COL19A1: variants seen among roughly 807,000 people sequenced by gnomAD.
COL19A1 encodes the protein collagen alpha-1(XIX) chain.
COL19A1 carries 159 observed loss-of-function variants against 190.2 expected under a neutral mutation model. The observed-to-expected ratio is 0.84, with a 90% confidence interval of 0.73 to 0.95. The LOEUF (loss-of-function observed/expected upper bound fraction) is 0.95, where lower values mean the gene tolerates loss of function less well. Ranked by LOEUF, COL19A1 falls within the 40% of genes least tolerant of loss-of-function variation. COL19A1 has a pLI of 0.00. For missense variants in COL19A1, 1,418 were observed against 1,431.9 expected, an observed-to-expected ratio of 0.99 and a Z score of 0.16; for synonymous variants, 509 against 458.9, an observed-to-expected ratio of 1.11 and a Z score of -1.39.
intron 9 of COL19A1, among the ~76,000 whole-genome samples, chr6:69,948,674 A>G (rs3805967): frequency 0.3 from 46,127 of 151,632 alleles, 8,598 homozygotes; most frequent in African/African-American, 0.52. Flanking sequence ...GAGGGCATTT[A>G]GGGCAACGTG....
At chr6:70,156,479 T>C (rs569985216) in intron 33 of COL19A1, 110 bp downstream of exon 33, 5 of 933,640 alleles carry the variant, frequency 5.4e-6, no homozygotes, top group South Asian at 1.6e-5. Flanking sequence ...TATATATATA[T>C]GTATGTATGT....
At chr6:70,036,013 A>G in intron 14 of COL19A1, 74 bp downstream of exon 14, 5 of 1,380,620 alleles carry the variant, frequency 3.6e-6, no homozygotes, top group Non-Finnish European at 5.1e-6. Flanking sequence ...CATCATGACT[A>G]AACCAGAATT....
chr6:69,934,779 A>C (rs1772995134), intron 7 of COL19A1, among the ~76,000 whole-genome samples: 1 of 152,036 alleles, frequency 6.6e-6, no homozygotes. Context: ...TCATTTAATG[A>C]CTAACAAAAA....
At chr6:70,115,062 G>C (rs1160312278) in intron 16 of COL19A1, among the ~76,000 whole-genome samples, 1 of 152,136 alleles carries the variant, frequency 6.6e-6, no homozygotes, top group Non-Finnish European at 1.5e-5. Flanking sequence ...CCTCTTTCCA[G>C]AAAGTGAAAG....
At position 70,199,707 on chromosome 6, in the gene COL19A1, C is replaced by T. The variant is rs768339719; in HGVS notation, c.3194C>T (p.Pro1065Leu). 1.2e-6 allele frequency: 2 copies of T among 1,611,176 alleles called. No individual in the cohort carries two copies. Among genetic ancestry groups the T allele is most frequent in the Non-Finnish European group, 1.7e-6 (2 of 1,178,352 alleles). ...GGGCCACCAGGGAAGGATGGGTTGC[C>T]TGGGCCACCAGGAGACCCTGGACCC... Reference protein sequence around the residue: ...RPGPPGKDGLPGPPGDPGPQG... With the variant: ...RPGPPGKDGLLGPPGDPGPQG... The change falls in exon 49 of 51, where the codon CCT becomes CTT. Residue 1065 changes from proline to leucine, a missense_variant. Pro to Leu is a moderately conservative substitution (Grantham distance 98, BLOSUM62 -3). Coordinates refer to ENST00000620364, the MANE Select transcript of COL19A1 (RefSeq NM_001858.6).
chr6:69,935,512 T>C (rs1773041273), intron 7 of COL19A1, among the ~76,000 whole-genome samples: 1 of 152,092 alleles, frequency 6.6e-6, no homozygotes, highest in East Asian at 1.9e-4. Context: ...GGTAATAACC[T>C]TGTTCCATTC....
intron 44 of COL19A1, among the ~76,000 whole-genome samples, chr6:70,183,653 G>A (rs983616589): frequency 1.3e-5 from 2 of 151,976 alleles, no homozygotes; most frequent in Non-Finnish European, 2.9e-5. Flanking sequence ...CTTATTTAAC[G>A]TACTCTCAAT....
intron 14 of COL19A1, among the ~76,000 whole-genome samples, chr6:70,055,763 C>T (rs975283128): frequency 1.8e-5 from 2 of 111,478 alleles, no homozygotes; most frequent in Non-Finnish European, 3.6e-5. Flanking sequence ...GCCTGGGAGA[C>T]AGAGCAAAAC....
chr6:70,113,694 T>C (rs533737114), intron 16 of COL19A1, among the ~76,000 whole-genome samples: 1 of 152,264 alleles, frequency 6.6e-6, no homozygotes, highest in Admixed American at 6.5e-5. Context: ...AGCCTAACTC[T>C]GATCTTTCTT....
chr6:70,146,919 A>T (rs1786693394), intron 27 of COL19A1, 30 bp downstream of exon 27: 1 of 1,527,852 alleles, frequency 6.5e-7, no homozygotes, highest in Admixed American at 2.3e-5. Context: ...GTCCTTGTTG[A>T]TTCCAACATT....
intron 16 of COL19A1, among the ~76,000 whole-genome samples, chr6:70,111,976 A>C (rs1006699332): frequency 6.6e-6 from 1 of 152,226 alleles, no homozygotes; most frequent in Non-Finnish European, 1.5e-5. Context: ...CTTAAGTCCC[A>C]GCAGTGTGCC....
At chr6:70,202,447 C>T (rs1014506220) in intron 49 of COL19A1, among the ~76,000 whole-genome samples, 3 of 152,108 alleles carry the variant, frequency 2.0e-5, no homozygotes, top group Non-Finnish European at 4.4e-5. Flanking sequence ...CTTTGTTCCA[C>T]TTAGGACAAT....
intron 4 of COL19A1, among the ~76,000 whole-genome samples, chr6:69,918,561 C>G (rs1223807382): frequency 6.6e-6 from 1 of 151,968 alleles, no homozygotes; most frequent in Non-Finnish European, 1.5e-5. Context: ...AAAAAATTAG[C>G]CAGGTATGGC....
chr6:69,944,649 G>A (rs1175931935), intron 9 of COL19A1, among the ~76,000 whole-genome samples: 1 of 151,976 alleles, frequency 6.6e-6, no homozygotes, highest in African/African-American at 2.4e-5. Flanking sequence ...AAAGCCAGAA[G>A]TTTTGGCAAA....
At chr6:70,067,770 A>G (rs58216789) in intron 14 of COL19A1, among the ~76,000 whole-genome samples, 1,928 of 152,150 alleles carry the variant, frequency 0.013, 42 homozygotes, top group African/African-American at 0.044. Context: ...TTGAATGGCA[A>G]TATCATCATT....
intron 4 of COL19A1, among the ~76,000 whole-genome samples, chr6:69,924,552 G>A (rs969119303): frequency 2.6e-5 from 4 of 152,060 alleles, no homozygotes; most frequent in African/African-American, 4.8e-5. Context: ...GAATAGTGCC[G>A]CAATAAACAT....
At chr6:69,896,399 C>T (rs984032164) in intron 2 of COL19A1, among the ~76,000 whole-genome samples, 13 of 151,344 alleles carry the variant, frequency 8.6e-5, no homozygotes, top group Admixed American at 1.3e-4. Context: ...TAGCCGGGCG[C>T]GGTGGCGGGT....
intron 11 of COL19A1, among the ~76,000 whole-genome samples, chr6:69,986,412 G>A (rs1471457006): frequency 2.0e-5 from 3 of 151,934 alleles, no homozygotes; most frequent in African/African-American, 4.8e-5. Flanking sequence ...TTCTCATAAC[G>A]TGATCTGAAA....
At chr6:69,960,088 T>C (rs1774682825) in intron 10 of COL19A1, 48 bp downstream of exon 10, 1 of 1,541,274 alleles carries the variant, frequency 6.5e-7, no homozygotes, top group Non-Finnish European at 8.9e-7. Flanking sequence ...TTTAACGTGT[T>C]AAAAATAAAT....
Sources: allele counts gnomAD v4.1 joint callset (sites outside exome capture counted in the v4.1 genomes callset), GRCh38; gene constraint gnomAD v4.1.1; transcripts MANE v1.5; gene names NCBI Gene and HGNC (gene_info 2026-07-23, HGNC 2026-07-21).